Variants in NAP1L1 observed in about 807,000 individuals in gnomAD.
The protein encoded by NAP1L1 is nucleosome assembly protein 1-like 1.
NAP1L1 carries 9 observed loss-of-function variants against 58.9 expected under a neutral mutation model. The ratio of observed to expected loss-of-function variants is 0.15; its 90% CI spans 0.09 to 0.27. The LOEUF (loss-of-function observed/expected upper bound fraction) is 0.27. Among genes scored for constraint, NAP1L1 ranks in the 10% least tolerant of loss-of-function variants. NAP1L1 has a pLI of 1.00. For missense variants in NAP1L1, 302 were observed against 458.8 expected (o/e 0.66, Z 3.12); for synonymous variants, 130 against 138.3 (o/e 0.94, Z 0.42).
At chr12:76,060,882 CA>C in intron 4 of NAP1L1, 1 of 237,530 alleles carries the variant, frequency 4.2e-6, no homozygotes, top group Non-Finnish European at 8.7e-6. Context: ...TCCTTTAGCC[CA>C]AAAACTCAAG....
chr12:76,068,794 A>T, intron 3 of NAP1L1, 115 bp downstream of exon 3: 1 of 672,794 alleles, frequency 1.5e-6, no homozygotes, highest in Non-Finnish European at 2.6e-6. Context: ...AGTATGGACC[A>T]GTAGATAAAT....
intron 1 of NAP1L1, among the ~76,000 whole-genome samples, chr12:76,083,405 CTGGGCCACACTAGAACTGTCT>C (rs1182216807): frequency 1.1e-4 from 16 of 149,638 alleles, no homozygotes; most frequent in Non-Finnish European, 2.4e-4. Context: ...TTTGGCTTCC[CTGGGCCACACTAGAACTGTCT>C]TGGGCCACAC....
intron 1 of NAP1L1, among the ~76,000 whole-genome samples, chr12:76,082,314 A>G (rs1950438235): frequency 6.6e-6 from 1 of 152,208 alleles, no homozygotes; most frequent in South Asian, 2.1e-4. Context: ...AGCAAGCTGA[A>G]TAAAATGAGA....
chr12:76,059,948 C>T, intron 5 of NAP1L1, 70 bp from the exon 6 acceptor site: 1 of 1,320,584 alleles, frequency 7.6e-7, no homozygotes, highest in Non-Finnish European at 1.1e-6. Context: ...TGGTTTCTCA[C>T]TAAGAAGTCT....
At chr12:76,067,338 G>C in intron 4 of NAP1L1, 33 bp downstream of exon 4, 1 of 1,506,896 alleles carries the variant, frequency 6.6e-7, no homozygotes. Flanking sequence ...GTTGATTATA[G>C]AAAGATAAAT....
intron 1 of NAP1L1, among the ~76,000 whole-genome samples, chr12:76,081,931 T>C (rs1950421777): frequency 6.6e-6 from 1 of 152,254 alleles, no homozygotes; most frequent in Non-Finnish European, 1.5e-5. Context: ...CCTTCCTTTA[T>C]AGCTCTCATC....
chr12:76,037,195 G>T lies in NAP1L1; in HGVS notation c.*11234C>A, dbSNP rs796768357. 3 of 152,358 alleles carry T rather than the reference G, an allele frequency of 2.0e-5. No individual in the cohort carries two copies. The highest frequency in any genetic ancestry group is 7.2e-5 in the African/African-American group (3 of 41,578). 9.4% of individuals were successfully genotyped at this position (152,358 alleles called of 1,614,324 possible). On this transcript the variant is annotated 3_prime_UTR_variant, in exon 15 of 15. Coordinates refer to ENST00000618691, the MANE Select transcript of NAP1L1 (RefSeq NM_004537.7). ...GATTCTAGTTTCCAAAAGTCCTTGA[G>T]TTGAAAACGTTAAGTATTAACACAG...
rs189289057 is a variant in NAP1L1, at chr12:76,081,024, A to G, written c.-21+3543T>C. Reference sequence around the variant, plus strand: ...TCTCCACAAGTAAGGTTCTCACCACATGGGTCCCCTCGATCTTGGATTTCT... The same window carrying G: ...TCTCCACAAGTAAGGTTCTCACCACGTGGGTCCCCTCGATCTTGGATTTCT... On this transcript the variant is annotated intron_variant, in intron 1 of 14. Coordinates refer to ENST00000618691, the MANE Select transcript of NAP1L1 (RefSeq NM_004537.7). 3.2e-4 allele frequency among the ~76,000 whole-genome samples: 49 copies of G among 152,194 alleles called. No individual in the cohort carries two copies. The East Asian group carries it at 9.3e-3, about 29-fold the overall frequency.
rs1435146705 is a variant in NAP1L1, at chr12:76,062,646, T to C, written c.207-2367A>G. The stretch of plus-strand genomic sequence containing the variant: ...TAGGCAACAAATAAGAGAAACAGGA[T>C]AGATTCGACTGAAGATAAAGTCCAT... On this transcript the variant is annotated intron_variant, in intron 4 of 14. Coordinates refer to ENST00000618691, the MANE Select transcript of NAP1L1 (RefSeq NM_004537.7). Among the ~76,000 whole-genome samples, 6 of 152,128 alleles carry C rather than the reference T, an allele frequency of 3.9e-5. No individual in the cohort carries two copies. In the East Asian group the frequency reaches 1.2e-3, roughly 29 times the overall value.
At chr12:76,056,273 T>G in intron 6 of NAP1L1, 112 bp from the exon 7 acceptor site, 1 of 1,115,284 alleles carries the variant, frequency 9.0e-7, no homozygotes, top group Non-Finnish European at 1.3e-6. Flanking sequence ...TTCAAAGTTC[T>G]AGTCTATCTG....
intron 2 of NAP1L1, among the ~76,000 whole-genome samples, chr12:76,072,837 T>TA (rs1234243335): frequency 6.6e-6 from 1 of 152,108 alleles, no homozygotes; most frequent in Non-Finnish European, 1.5e-5. Context: ...CTATCCGGCA[T>TA]AAAGGTAGAA....
intron 2 of NAP1L1, among the ~76,000 whole-genome samples, chr12:76,072,903 C>A (rs544547857): frequency 6.6e-6 from 1 of 152,132 alleles, no homozygotes; most frequent in Admixed American, 6.5e-5. Context: ...TGTACTCTTC[C>A]AAGAAGGTAC....
intron 9 of NAP1L1, 150 bp downstream of exon 9, chr12:76,053,619 AG>A: frequency 1.0e-6 from 1 of 995,860 alleles, no homozygotes. Flanking sequence ...GGAGAATTAC[AG>A]GAAACTTGAT....
At chr12:76,054,566 A>G (rs905019678) in intron 8 of NAP1L1, among the ~76,000 whole-genome samples, 1 of 152,162 alleles carries the variant, frequency 6.6e-6, no homozygotes. Flanking sequence ...TAAATAGTAG[A>G]CTAAACGTGA....
intron 1 of NAP1L1, among the ~76,000 whole-genome samples, chr12:76,075,038 T>G (rs546024635): frequency 6.6e-6 from 1 of 152,320 alleles, no homozygotes; most frequent in Non-Finnish European, 1.5e-5. Flanking sequence ...AGAATACTGC[T>G]TTTGGAAAAA....
rs1555186812 is a variant in NAP1L1 at position 76,077,996 on chromosome 12, A to AG, written c.-20-3758_-20-3757insC. ...ACCCTGTCTCAAAAAAAAAAAAAAA[A>AG]AAAAAGGAAAAGAATTAAAAGTACA... On this transcript the variant is annotated intron_variant, in intron 1 of 14. Transcript: ENST00000618691. Among the ~76,000 whole-genome samples, 32 of 150,888 alleles carry AG rather than the reference A, an allele frequency of 2.1e-4. 2 individuals carry two copies. In the South Asian group the frequency reaches 3.8e-3, roughly 18 times the overall value.
Position 76,060,287 on chromosome 12 carries a change from G to A in NAP1L1, c.207-8C>T, listed in dbSNP as rs189353608. ...TTAACTACCCTAGGCAGGCTGAAAG[G>A]TTAGAAATCAGTTATATAGCATCAG... is the stretch of plus-strand genomic sequence containing the variant. On this transcript the variant is annotated splice_region_variant and splice_polypyrimidine_tract_variant and intron_variant, in intron 4 of 14. Transcript: ENST00000618691. The A allele has an allele frequency of 1.4e-5, 22 of 1,612,948 alleles. No homozygotes were observed. The highest frequency in any genetic ancestry group is 1.7e-5 in the Non-Finnish European group (20 of 1,179,516).
At position 76,041,975 on chromosome 12, in the gene NAP1L1, T is replaced by G. The variant is rs1034280999; in HGVS notation, c.*6454A>C. On this transcript the variant is annotated 3_prime_UTR_variant, in exon 15 of 15. Coordinates refer to ENST00000618691, the MANE Select transcript of NAP1L1 (RefSeq NM_004537.7). ...AAGGCCAAAGAAAGTAAACAGCATA[T>G]GAAAACACATGTATTAAAATAAAAC... 4 of 152,146 alleles carry G rather than the reference T, an allele frequency of 2.6e-5. No individual in the cohort carries two copies. Among genetic ancestry groups the G allele is most frequent in the Admixed American group, 6.5e-5 (1 of 15,274 alleles). The allele number at this position is 152,146 out of a possible 1,614,324, so 9.4% of individuals were successfully genotyped here.
Position 76,037,124 on chromosome 12 carries a change from T to C in NAP1L1, c.*11305A>G, listed in dbSNP as rs1871061241. ...TCTCACAGAGTGCAGTTTAGACTTC[T>C]TAGCCTTATTTCATCTTTGAAGTAC... On this transcript the variant is annotated 3_prime_UTR_variant, in exon 15 of 15. Coordinates refer to ENST00000618691, the MANE Select transcript of NAP1L1 (RefSeq NM_004537.7). The C allele has an allele frequency of 6.6e-6, 1 of 152,230 alleles. No homozygotes were observed. Among genetic ancestry groups the C allele is most frequent in the Non-Finnish European group, 1.5e-5 (1 of 68,048 alleles). 9.4% of individuals were successfully genotyped at this position (152,230 alleles called of 1,614,324 possible). A position where few individuals can be genotyped will look rare whatever the true frequency, so the allele number is the denominator to read the frequency against.
Sources: allele counts gnomAD v4.1 joint callset (sites outside exome capture counted in the v4.1 genomes callset), GRCh38; gene constraint gnomAD v4.1.1; transcripts MANE v1.5; gene names NCBI Gene and HGNC (gene_info 2026-07-23, HGNC 2026-07-21).